The following SGCD variants were observed in gnomAD, a reference collection of about 807,000 sequenced individuals.
SGCD encodes the protein sarcoglycan delta.
A neutral mutation model predicts 36.6 loss-of-function variants in SGCD; 18 were observed. That is an observed-to-expected ratio of 0.49 (90% confidence interval 0.34 to 0.73). SGCD has a LOEUF of 0.73. SGCD is among the 30% of genes least tolerant of loss of function. The probability of loss-of-function intolerance (pLI) is 0.01; values close to 1 mark genes in which losing one functional copy is unlikely to be tolerated. For missense variants in SGCD, 387 were observed against 346.7 expected, an observed-to-expected ratio of 1.12 and a Z score of -0.92; for synonymous variants, 133 against 130.6, an observed-to-expected ratio of 1.02 and a Z score of -0.12.
chr5:156,490,796 A>C (rs1034097151), intron 3 of SGCD, among the ~76,000 whole-genome samples: 3 of 152,058 alleles, frequency 2.0e-5, no homozygotes, highest in African/African-American at 7.2e-5. Flanking sequence ...GGACTGAAAA[A>C]AGACAAGGAT....
intron 3 of SGCD, among the ~76,000 whole-genome samples, chr5:156,488,067 C>A: frequency 8.3e-6 from 1 of 120,710 alleles, no homozygotes; most frequent in Non-Finnish European, 1.8e-5. Flanking sequence ...CAAAATCAAG[C>A]AGAAGAAAGA....
intron 1 of SGCD, among the ~76,000 whole-genome samples, chr5:155,904,933 C>T (rs1229365239): frequency 6.6e-6 from 1 of 152,150 alleles, no homozygotes; most frequent in African/African-American, 2.4e-5. Context: ...TGACAATCTC[C>T]TTCTGTGAGT....
At chr5:156,022,927 G>A (rs1453786329) in intron 1 of SGCD, among the ~76,000 whole-genome samples, 1 of 152,144 alleles carries the variant, frequency 6.6e-6, no homozygotes, top group Non-Finnish European at 1.5e-5. Context: ...GGTACAAGGT[G>A]CTTTTCCACC....
At chr5:155,805,597 T>G in the SGCD span, among the ~76,000 whole-genome samples, 1 of 152,212 alleles carries the variant, frequency 6.6e-6, no homozygotes, top group Non-Finnish European at 1.5e-5. Flanking sequence ...TGCCTCCATT[T>G]GTGAAAACCA....
intron 1 of SGCD, among the ~76,000 whole-genome samples, chr5:155,924,211 A>G (rs557460929): frequency 1.3e-5 from 2 of 152,358 alleles, no homozygotes; most frequent in East Asian, 3.9e-4. Context: ...CAACCCAAAC[A>G]TATCTAGTCA....
At chr5:156,257,382 G>A (rs1765741025) in intron 3 of SGCD, among the ~76,000 whole-genome samples, 1 of 152,090 alleles carries the variant, frequency 6.6e-6, no homozygotes. Flanking sequence ...GCTGAGGCAG[G>A]AGAATGGCGT....
At chr5:156,138,215 C>T (rs1212486669) in intron 3 of SGCD, among the ~76,000 whole-genome samples, 1 of 152,130 alleles carries the variant, frequency 6.6e-6, no homozygotes, top group African/African-American at 2.4e-5. Flanking sequence ...GCCTGACCAA[C>T]ATGGTGAAAC....
chr5:156,090,075 G>C (rs1761203572), intron 1 of SGCD, among the ~76,000 whole-genome samples: 1 of 152,124 alleles, frequency 6.6e-6, no homozygotes, highest in African/African-American at 2.4e-5. Flanking sequence ...AGCCATATGA[G>C]CTGTTCGATT....
At chr5:156,366,938 G>C (rs56130516) in intron 3 of SGCD, among the ~76,000 whole-genome samples, 3,858 of 152,188 alleles carry the variant, frequency 0.025, 157 homozygotes, top group African/African-American at 0.088. Context: ...TCAGATAAAT[G>C]GTTTATCTTC....
At chr5:155,965,255 G>A (rs1296572416) in intron 1 of SGCD, among the ~76,000 whole-genome samples, 1 of 152,096 alleles carries the variant, frequency 6.6e-6, no homozygotes, top group East Asian at 1.9e-4. Context: ...CATGGCAAAT[G>A]ATGCTGCCAT....
intron 3 of SGCD, among the ~76,000 whole-genome samples, chr5:156,199,779 C>T (rs1451314639): frequency 2.0e-5 from 3 of 152,072 alleles, no homozygotes; most frequent in East Asian, 1.9e-4. Context: ...CAGTGTCAGA[C>T]ATGTATTTGG....
the SGCD span, among the ~76,000 whole-genome samples, chr5:155,746,576 C>T: frequency 6.6e-6 from 1 of 152,114 alleles, no homozygotes; most frequent in Non-Finnish European, 1.5e-5. Context: ...CAGACTCTTT[C>T]TTCAAGTTCC....
intron 3 of SGCD, among the ~76,000 whole-genome samples, chr5:156,418,056 T>C (rs1773134542): frequency 6.6e-6 from 1 of 152,142 alleles, no homozygotes; most frequent in Non-Finnish European, 1.5e-5. Context: ...ATCGTAGACA[T>C]GTAGATCTCA....
At chr5:156,595,827 T>A (rs1002432827) in intron 6 of SGCD, among the ~76,000 whole-genome samples, 2 of 152,228 alleles carry the variant, frequency 1.3e-5, no homozygotes, top group African/African-American at 4.8e-5. Context: ...GTGAAAACAC[T>A]GAGAATTCGT....
intron 1 of SGCD, among the ~76,000 whole-genome samples, chr5:155,889,313 G>A (rs1756073347): frequency 6.6e-6 from 1 of 151,962 alleles, no homozygotes; most frequent in Admixed American, 6.5e-5. Flanking sequence ...TATAATCTTT[G>A]TAGGCTTGGG....
intron 3 of SGCD, among the ~76,000 whole-genome samples, chr5:156,493,718 T>G (rs149749188): frequency 1.4e-3 from 217 of 152,284 alleles, no homozygotes; most frequent in African/African-American, 4.9e-3. Flanking sequence ...TGATTTCCAG[T>G]TAAAATTATT....
chr5:155,826,600 G>T, the SGCD span, among the ~76,000 whole-genome samples: 1 of 152,112 alleles, frequency 6.6e-6, no homozygotes, highest in Non-Finnish European at 1.5e-5. Context: ...CCTTCTTGTC[G>T]TAAAAGTCTC....
At chr5:156,630,302 C>G (rs1762584623) in intron 6 of SGCD, among the ~76,000 whole-genome samples, 1 of 152,154 alleles carries the variant, frequency 6.6e-6, no homozygotes, top group Non-Finnish European at 1.5e-5. Flanking sequence ...GTGCCTGACA[C>G]ATAACAGGTA....
At chr5:156,131,684 T>C (rs549678232) in intron 3 of SGCD, among the ~76,000 whole-genome samples, 2 of 152,286 alleles carry the variant, frequency 1.3e-5, no homozygotes, top group South Asian at 4.1e-4. Flanking sequence ...GTGGACCCTG[T>C]TGCTCAACAG....
Sources: allele counts gnomAD v4.1 joint callset (sites outside exome capture counted in the v4.1 genomes callset), GRCh38; gene constraint gnomAD v4.1.1; transcripts MANE v1.5; gene names NCBI Gene and HGNC (gene_info 2026-07-23, HGNC 2026-07-21).